The following CNTN6 variants were observed in gnomAD, a reference collection of about 807,000 sequenced individuals.
The protein encoded by CNTN6 is contactin 6, also known as contactin-6.
A neutral mutation model predicts 122.8 loss-of-function variants in CNTN6; 137 were observed. The observed-to-expected ratio is 1.12, with a 90% confidence interval of 0.97 to 1.29. CNTN6 has a LOEUF of 1.29. Among genes scored for constraint, CNTN6 ranks in the 50% most tolerant of loss-of-function variants. CNTN6 has a pLI of 0.00. For synonymous variants in CNTN6, 570 were observed against 426.0 expected (o/e 1.34, Z -4.16); for missense variants, 1,634 against 1,223.4 (o/e 1.34, Z -5.01).
At chr3:1,210,489 T>C (rs2094021428) in intron 2 of CNTN6, among the ~76,000 whole-genome samples, 1 of 152,074 alleles carries the variant, frequency 6.6e-6, no homozygotes, top group Non-Finnish European at 1.5e-5. Context: ...GTGAGTTTAG[T>C]CTAGCTTAAG....
At chr3:1,206,686 T>C (rs1426381395) in intron 2 of CNTN6, among the ~76,000 whole-genome samples, 3 of 152,190 alleles carry the variant, frequency 2.0e-5, no homozygotes, top group Admixed American at 2.0e-4. Context: ...AATTCCTCTC[T>C]TTACATACTC....
At chr3:1,376,247 ATTTCCTCAGT>A (rs1282152789) in intron 16 of CNTN6, among the ~76,000 whole-genome samples, 5 of 152,146 alleles carry the variant, frequency 3.3e-5, no homozygotes, top group Admixed American at 6.6e-5. Flanking sequence ...CACACTCAGC[ATTTCCTCAGT>A]TTTACAGTTT....
intron 4 of CNTN6, among the ~76,000 whole-genome samples, chr3:1,230,256 G>C (rs11714814): frequency 0.09 from 13,659 of 152,128 alleles, 1,426 homozygotes; most frequent in East Asian, 0.49. Context: ...CAAATATCTA[G>C]TGGTATGAAA....
intron 1 of CNTN6, among the ~76,000 whole-genome samples, chr3:1,113,651 T>G (rs1044526158): frequency 6.6e-6 from 1 of 152,154 alleles, no homozygotes; most frequent in Non-Finnish European, 1.5e-5. Context: ...CTATTGAATA[T>G]ATGCTGTGTT....
Position 1,383,362 on chromosome 3 carries a change from A to G in CNTN6, c.2471A>G (p.Asn824Ser), listed in dbSNP as rs1388215365. Residue 824 changes from asparagine (N) to serine (S), a missense_variant, in exon 19 of 23, where the codon AAT (asparagine) becomes AGT (serine). Transcript: ENST00000446702. ...GCTTCTGAAATGGAGGTTTCATGGA[A>G]TGCTATTGCCTGGAATAGAAACACT... Reference protein sequence around the residue: ...FSASEMEVSWNAIAWNRNTGR... With the variant: ...FSASEMEVSWSAIAWNRNTGR... 3.1e-6 allele frequency: 5 copies of G among 1,614,038 alleles called. No individual in the cohort carries two copies. The highest frequency in any genetic ancestry group is 3.4e-6 in the Non-Finnish European group (4 of 1,179,906).
intron 2 of CNTN6, among the ~76,000 whole-genome samples, chr3:1,183,661 G>C (rs1017011507): frequency 6.6e-6 from 1 of 151,744 alleles, no homozygotes; most frequent in Non-Finnish European, 1.5e-5. Flanking sequence ...TTCCATTTCT[G>C]GCAACCTTCC....
chr3:1,317,835 A>G (rs896908038), intron 7 of CNTN6, among the ~76,000 whole-genome samples: 8 of 151,432 alleles, frequency 5.3e-5, no homozygotes, highest in Non-Finnish European at 1.0e-4. Context: ...GGTCAGCCCA[A>G]CTGAAATGAG....
Position 1,297,946 on chromosome 3 carries a change from C to A in CNTN6, c.716C>A (p.Ala239Asp). 6.2e-7 allele frequency: 1 copy of A among 1,612,834 alleles called. No homozygotes were observed. The highest frequency in any genetic ancestry group is 8.5e-7 in the Non-Finnish European group (1 of 1,179,604). The change falls in exon 7 of 23, where the codon GCT becomes GAT. Residue 239 changes from alanine (A) to aspartate (D), a missense_variant. Coordinates refer to ENST00000446702, the MANE Select transcript of CNTN6 (RefSeq NM_001289080.2). ...IEVRFPETIQAAKDSSVKLEC... is the reference protein window; with the variant it reads ...IEVRFPETIQDAKDSSVKLEC... ...GTGCGTTTTCCTGAAACTATACAAGCTGCAAAGGATTCATCTGTAAAACTG... is the reference window on the plus strand; with the variant it reads ...GTGCGTTTTCCTGAAACTATACAAGATGCAAAGGATTCATCTGTAAAACTG...
chr3:1,375,171 G>T (rs1391241138), intron 16 of CNTN6, among the ~76,000 whole-genome samples: 2 of 151,990 alleles, frequency 1.3e-5, no homozygotes, highest in Non-Finnish European at 2.9e-5. Context: ...GAATCTTCAG[G>T]TGTTGTCCAT....
chr3:1,353,178 T>C (rs903999968), intron 12 of CNTN6, among the ~76,000 whole-genome samples: 1 of 151,734 alleles, frequency 6.6e-6, no homozygotes, highest in Non-Finnish European at 1.5e-5. Flanking sequence ...CTGGAAGCTG[T>C]ATCACTTCTA....
chr3:1,348,239 C>T lies in CNTN6; in HGVS notation c.1365-4085C>T, dbSNP rs557279243. Among the ~76,000 whole-genome samples the T allele has an allele frequency of 1.3e-3, 189 of 145,680 alleles. 1 individual carries two copies. The highest frequency in any genetic ancestry group is 2.6e-3 in the African/African-American group (100 of 38,752). The stretch of plus-strand genomic sequence containing the variant: ...AAAATCAAATGTTGGGATTCAGATT[C>T]GATCATAAGTAGTTTGTCCTCAAAG... On this transcript the variant is annotated intron_variant, in intron 11 of 22. Transcript: ENST00000446702.
At chr3:1,259,336 A>C (rs532920148) in intron 4 of CNTN6, among the ~76,000 whole-genome samples, 70 of 152,174 alleles carry the variant, frequency 4.6e-4, no homozygotes, top group Non-Finnish European at 7.4e-4. Flanking sequence ...GCTTCTAACC[A>C]CTCTGCCATA....
chr3:1,387,378 G>C (rs1693188759), intron 20 of CNTN6, among the ~76,000 whole-genome samples: 1 of 152,204 alleles, frequency 6.6e-6, no homozygotes, highest in Non-Finnish European at 1.5e-5. Context: ...AATCAATGAA[G>C]TTGTTGCCAG....
chr3:1,166,496 A>G (rs1285488846), intron 2 of CNTN6, among the ~76,000 whole-genome samples: 1 of 152,196 alleles, frequency 6.6e-6, no homozygotes, highest in African/African-American at 2.4e-5. Flanking sequence ...GATACAGATT[A>G]AAATTTTTTT....
intron 11 of CNTN6, among the ~76,000 whole-genome samples, chr3:1,337,657 G>A (rs1703264690): frequency 6.6e-6 from 1 of 152,110 alleles, no homozygotes; most frequent in Non-Finnish European, 1.5e-5. Context: ...AAGAATGACA[G>A]TCTGCATAAT....
intron 2 of CNTN6, among the ~76,000 whole-genome samples, chr3:1,150,838 T>C (rs1266990976): frequency 6.6e-6 from 1 of 152,104 alleles, no homozygotes; most frequent in Non-Finnish European, 1.5e-5. Flanking sequence ...CCCTGGACTA[T>C]CCAGATTGTA....
intron 1 of CNTN6, among the ~76,000 whole-genome samples, chr3:1,134,089 T>C (rs757165949): frequency 2.0e-5 from 3 of 152,092 alleles, no homozygotes; most frequent in African/African-American, 7.2e-5. Flanking sequence ...GAAAGACCAC[T>C]CACTGTGAAG....
rs987356760 is a variant in CNTN6 at position 1,138,887 on chromosome 3, T to A, written c.-82-9040T>A. ...TGTATGTATGCATCTACCTTTTCAT[T>A]CTTTTCATTCCAGATATTTCCGATT... On this transcript the variant is annotated intron_variant, in intron 1 of 22. Transcript: ENST00000446702. Among the ~76,000 whole-genome samples, 16 of 152,220 alleles carry A rather than the reference T, an allele frequency of 1.1e-4. No homozygotes were observed. In the South Asian group the frequency reaches 2.9e-3, roughly 28 times the overall value.
At chr3:1,232,972 G>A (rs1008702492) in intron 4 of CNTN6, among the ~76,000 whole-genome samples, 9 of 152,170 alleles carry the variant, frequency 5.9e-5, no homozygotes, top group African/African-American at 1.4e-4. Flanking sequence ...AGTGTGGGGA[G>A]GTGGGCAAAA....
Sources: allele counts gnomAD v4.1 joint callset (sites outside exome capture counted in the v4.1 genomes callset), GRCh38; gene constraint gnomAD v4.1.1; transcripts MANE v1.5; gene names NCBI Gene and HGNC (gene_info 2026-07-23, HGNC 2026-07-21).